The following SPPL3 variants were observed in gnomAD, a reference collection of about 807,000 sequenced individuals.
SPPL3 encodes the protein signal peptide peptidase like 3, also known as signal peptide peptidase-like 3.
SPPL3 carries 5 observed loss-of-function variants against 42.4 expected under a neutral mutation model. That is an observed-to-expected ratio of 0.12 (90% CI 0.06 to 0.25). The LOEUF is 0.25. SPPL3 is among the 10% of genes least tolerant of loss of function. SPPL3 has a pLI of 1.00. For missense variants in SPPL3, 235 were observed against 489.0 expected, an observed-to-expected ratio of 0.48 and a Z score of 4.90; for synonymous variants, 195 against 181.8, an observed-to-expected ratio of 1.07 and a Z score of -0.58.
At chr12:120,806,340 G>C (rs1367759217) in intron 2 of SPPL3, among the ~76,000 whole-genome samples, 1 of 151,762 alleles carries the variant, frequency 6.6e-6, no homozygotes, top group Non-Finnish European at 1.5e-5. Context: ...TGGGATTACA[G>C]GTACATGCCA....
chr12:120,890,877 C>T (rs1221478617), intron 1 of SPPL3, among the ~76,000 whole-genome samples: 4 of 152,200 alleles, frequency 2.6e-5, no homozygotes, highest in Admixed American at 1.3e-4. Flanking sequence ...GCTGTGAAGC[C>T]GAAACCCGAT....
intron 1 of SPPL3, among the ~76,000 whole-genome samples, chr12:120,856,007 T>G (rs527771977): frequency 2.0e-5 from 3 of 152,326 alleles, no homozygotes; most frequent in Admixed American, 6.5e-5. Context: ...TCTGTGATCA[T>G]GAAAACATTC....
At chr12:120,803,420 C>T (rs1308704385) in intron 2 of SPPL3, among the ~76,000 whole-genome samples, 2 of 152,058 alleles carry the variant, frequency 1.3e-5, no homozygotes, top group Admixed American at 6.6e-5. Context: ...AAGTTATACT[C>T]GTTCATCCAT....
At chr12:120,771,924 C>T (rs892987881) in intron 6 of SPPL3, among the ~76,000 whole-genome samples, 2 of 152,260 alleles carry the variant, frequency 1.3e-5, no homozygotes, top group Non-Finnish European at 2.9e-5. Flanking sequence ...GGTCCTGCCC[C>T]CGGCTCCTTC....
At chr12:120,880,949 G>A (rs75959411) in intron 1 of SPPL3, among the ~76,000 whole-genome samples, 1 of 40,846 alleles carries the variant, frequency 2.4e-5, no homozygotes, top group Non-Finnish European at 5.5e-5. Flanking sequence ...GTCAATAAAC[G>A]TGAACAGATG....
In SPPL3 at chr12:120,830,715, T is replaced by C. The variant is rs1871401318; in HGVS notation, c.24-19829A>G. ...TCCCATTACTTATCTCATAGTTTTG[T>C]TGTTTCACTTTGGGTAAACATCACT... On this transcript the variant is annotated intron_variant, in intron 1 of 10. Transcript: ENST00000353487. Among the ~76,000 whole-genome samples the C allele has an allele frequency of 3.3e-5, 5 of 152,028 alleles. No individual in the cohort carries two copies. In the South Asian group the frequency reaches 1.0e-3, roughly 32 times the overall value.
At chr12:120,852,260 A>G (rs903800415) in intron 1 of SPPL3, among the ~76,000 whole-genome samples, 6 of 150,832 alleles carry the variant, frequency 4.0e-5, no homozygotes, top group African/African-American at 1.5e-4. Flanking sequence ...GTCATCGCAC[A>G]TAGTTACATG....
At chr12:120,874,453 A>G (rs1593006107) in intron 1 of SPPL3, among the ~76,000 whole-genome samples, 1 of 16,892 alleles carries the variant, frequency 5.9e-5, no homozygotes, top group Admixed American at 1.3e-3. Context: ...ACCCTGTCGC[A>G]AAAAAAAAAA....
At chr12:120,866,273 G>A (rs1872751545) in intron 1 of SPPL3, among the ~76,000 whole-genome samples, 1 of 152,168 alleles carries the variant, frequency 6.6e-6, no homozygotes. Flanking sequence ...AAACGTTGGA[G>A]GCCTGTGACC....
chr12:120,794,535 C>A (rs546894765), intron 2 of SPPL3, among the ~76,000 whole-genome samples: 66 of 152,184 alleles, frequency 4.3e-4, no homozygotes, highest in Non-Finnish European at 8.1e-4. Context: ...GTAGCTGGGA[C>A]TACAGGCGCA....
At chr12:120,844,423 C>T (rs145592868) in intron 1 of SPPL3, among the ~76,000 whole-genome samples, 23 of 152,252 alleles carry the variant, frequency 1.5e-4, no homozygotes, top group African/African-American at 4.8e-4. Flanking sequence ...AGTGCATTAC[C>T]GTGCCTGTTT....
At chr12:120,853,517 A>T (rs1872332211) in intron 1 of SPPL3, among the ~76,000 whole-genome samples, 1 of 152,200 alleles carries the variant, frequency 6.6e-6, no homozygotes, top group Admixed American at 6.5e-5. Flanking sequence ...TAGTATTCCT[A>T]ATTCTTTTGA....
At position 120,784,538 on chromosome 12, in the gene SPPL3, G is replaced by A. The variant is rs2136980024; in HGVS notation, c.246C>T (p.Val82=). 1.9e-6 allele frequency: 3 copies of A among 1,613,108 alleles called. No individual in the cohort carries two copies. Among genetic ancestry groups the A allele is most frequent in the Non-Finnish European group, 2.5e-6 (3 of 1,179,348 alleles). The change falls in exon 4 of 11, where the codon GTC becomes GTT. Residue 82 remains valine (V), a synonymous_variant. Coordinates refer to ENST00000353487, the MANE Select transcript of SPPL3 (RefSeq NM_139015.5). The part of the protein sequence containing the change: ...QALFLPIGAS[V]SLLVMFFFFD... ...AGAAGAAGAACATTACTAAAAGAGAGACAGATGCTCCAATTGGAAGGAACA... is the reference window on the plus strand; with the variant it reads ...AGAAGAAGAACATTACTAAAAGAGAAACAGATGCTCCAATTGGAAGGAACA...
At chr12:120,781,551 T>C (rs933741431) in intron 6 of SPPL3, among the ~76,000 whole-genome samples, 3 of 140,638 alleles carry the variant, frequency 2.1e-5, no homozygotes, top group Non-Finnish European at 4.5e-5. Context: ...CTCCTTATTG[T>C]TACGTTTTTT....
At chr12:120,894,490 T>TG (rs1320736075) in intron 1 of SPPL3, among the ~76,000 whole-genome samples, 1 of 152,220 alleles carries the variant, frequency 6.6e-6, no homozygotes, top group Non-Finnish European at 1.5e-5. Flanking sequence ...AGTCAGGCAC[T>TG]GTACGTAGGT....
intron 1 of SPPL3, among the ~76,000 whole-genome samples, chr12:120,869,453 C>T (rs1162408211): frequency 2.0e-5 from 3 of 152,176 alleles, no homozygotes; most frequent in Non-Finnish European, 4.4e-5. Flanking sequence ...AATAGTTATT[C>T]GCTGTAGCAC....
intron 3 of SPPL3, among the ~76,000 whole-genome samples, chr12:120,790,826 CTTT>C (rs35743748): frequency 1.4e-5 from 2 of 147,026 alleles, no homozygotes; most frequent in Admixed American, 1.3e-4. Flanking sequence ...TATCTTGGCA[CTTT>C]TTTTTTTTTT....
At chr12:120,859,261 A>C (rs1228230015) in intron 1 of SPPL3, among the ~76,000 whole-genome samples, 1 of 152,138 alleles carries the variant, frequency 6.6e-6, no homozygotes, top group Non-Finnish European at 1.5e-5. Context: ...AAAATGCTAC[A>C]ATGAGCTTTT....
chr12:120,883,025 C>T (rs554317971), intron 1 of SPPL3, among the ~76,000 whole-genome samples: 1 of 152,156 alleles, frequency 6.6e-6, no homozygotes, highest in African/African-American at 2.4e-5. Flanking sequence ...ATTCTAGAGG[C>T]CGGGCGTGGT....
Sources: gnomAD v4.1 joint callset for allele counts (sites outside exome capture counted in the v4.1 genomes callset) on GRCh38, gnomAD v4.1.1 for gene constraint, MANE v1.5 for transcripts, NCBI Gene and HGNC (gene_info 2026-07-23, HGNC 2026-07-21) for gene names.